DLGAP1: variants seen among roughly 807,000 people sequenced by gnomAD.
The protein encoded by DLGAP1 is DLG associated protein 1.
In DLGAP1, 11 loss-of-function variants were observed where a neutral mutation model predicts 90.8. That is an observed-to-expected ratio of 0.12 (90% CI 0.08 to 0.20). The LOEUF (loss-of-function observed/expected upper bound fraction) is 0.20. Among genes scored for constraint, DLGAP1 ranks in the 10% least tolerant of loss-of-function variants. The probability of loss-of-function intolerance (pLI) is 1.00; values close to 1 mark genes in which losing one functional copy is unlikely to be tolerated. For missense variants in DLGAP1, 1,050 were observed against 1,333.8 expected (o/e 0.79, Z 3.31); for synonymous variants, 558 against 540.7 (o/e 1.03, Z -0.44).
At chr18:4,290,858 C>G (rs1391966645) in intron 1 of DLGAP1, among the ~76,000 whole-genome samples, 1 of 152,136 alleles carries the variant, frequency 6.6e-6, no homozygotes, top group Non-Finnish European at 1.5e-5. Flanking sequence ...CGCTTTCAAT[C>G]TGTAATGAAC....
At chr18:3,523,587 C>G (rs979192117) in intron 10 of DLGAP1, among the ~76,000 whole-genome samples, 12 of 151,880 alleles carry the variant, frequency 7.9e-5, no homozygotes, top group African/African-American at 2.7e-4. Flanking sequence ...GTGGCTCACG[C>G]CTGTAATCCC....
At chr18:4,316,419 G>A (rs1029490089) in intron 1 of DLGAP1, among the ~76,000 whole-genome samples, 5 of 152,156 alleles carry the variant, frequency 3.3e-5, no homozygotes, top group Non-Finnish European at 7.3e-5. Flanking sequence ...GGGAAGATGG[G>A]AATCAGGCAG....
intron 10 of DLGAP1, among the ~76,000 whole-genome samples, chr18:3,533,980 T>C (rs2144487233): frequency 6.6e-6 from 1 of 152,146 alleles, no homozygotes; most frequent in African/African-American, 2.4e-5. Flanking sequence ...CTAAGGACAG[T>C]GTTATATCTA....
chr18:3,788,755 A>G (rs1447808516), intron 5 of DLGAP1, among the ~76,000 whole-genome samples: 1 of 152,242 alleles, frequency 6.6e-6, no homozygotes, highest in East Asian at 1.9e-4. Context: ...AAGGAGAGCT[A>G]CAAAGCACCT....
intron 1 of DLGAP1, among the ~76,000 whole-genome samples, chr18:4,436,382 C>T (rs1235889192): frequency 6.6e-6 from 1 of 151,912 alleles, no homozygotes; most frequent in Non-Finnish European, 1.5e-5. Context: ...TATTTCTGGG[C>T]CCCGACCACC....
At chr18:4,204,987 T>C (rs75763225) in intron 1 of DLGAP1, among the ~76,000 whole-genome samples, 3,599 of 152,196 alleles carry the variant, frequency 0.024, 126 homozygotes, top group African/African-American at 0.08. Flanking sequence ...AATTTTGAAA[T>C]CTGCTTTCTA....
At chr18:4,029,391 T>C (rs1292373094) in intron 2 of DLGAP1, among the ~76,000 whole-genome samples, 1 of 152,188 alleles carries the variant, frequency 6.6e-6, no homozygotes, top group African/African-American at 2.4e-5. Flanking sequence ...TGCTGGTAGT[T>C]CTATTTTTAA....
intron 3 of DLGAP1, among the ~76,000 whole-genome samples, chr18:3,900,561 A>T (rs1369092392): frequency 1.3e-5 from 2 of 152,204 alleles, no homozygotes; most frequent in African/African-American, 4.8e-5. Flanking sequence ...GTAAACCCTG[A>T]ATGAATAAAA....
At chr18:3,674,455 C>T (rs1461681532) in intron 7 of DLGAP1, among the ~76,000 whole-genome samples, 2 of 151,018 alleles carry the variant, frequency 1.3e-5, no homozygotes, top group South Asian at 2.1e-4. Flanking sequence ...CCTATCTCTA[C>T]AAAAAAATAA....
intron 2 of DLGAP1, among the ~76,000 whole-genome samples, chr18:4,005,482 T>C (rs1038637392): frequency 2.0e-5 from 3 of 152,210 alleles, no homozygotes; most frequent in Admixed American, 1.3e-4. Flanking sequence ...GTTTTCCTAA[T>C]TTTTAAAATA....
At chr18:4,291,948 T>C (rs2079859399) in intron 1 of DLGAP1, among the ~76,000 whole-genome samples, 1 of 152,136 alleles carries the variant, frequency 6.6e-6, no homozygotes, top group Non-Finnish European at 1.5e-5. Context: ...AGTTGCAAAT[T>C]TGGGTTCTAC....
chr18:3,502,642 G>C lies in DLGAP1; in HGVS notation c.2575C>G (p.Pro859Ala). The part of the protein sequence containing the change: ...FRELCEENLN[P>A]NAHPRPTSQD... ...GAGGTGGGTCTTGGATGAGCATTAG[G>C]ATTCTGCACAAGAGAAAGAAAAACA... Residue 859 changes from proline (P) to alanine (A), a missense_variant, in exon 12 of 13, where the codon CCT becomes GCT. Around this residue, in one of 2 missense-constraint regions of DLGAP1, gnomAD observed 565 missense variants for 879.7 expected, o/e 0.64. Transcript: ENST00000315677. 1.2e-6 allele frequency: 2 copies of C among 1,610,670 alleles called. No individual in the cohort carries two copies. The highest frequency in any genetic ancestry group is 1.7e-6 in the Non-Finnish European group (2 of 1,179,136).
chr18:3,866,312 G>C (rs536037749), intron 4 of DLGAP1, among the ~76,000 whole-genome samples: 1 of 152,322 alleles, frequency 6.6e-6, no homozygotes, highest in South Asian at 2.1e-4. Flanking sequence ...GAACTTATCA[G>C]AGTTTTCCGA....
intron 6 of DLGAP1, among the ~76,000 whole-genome samples, chr18:3,735,225 G>A (rs1222672653): frequency 1.3e-5 from 2 of 151,862 alleles, no homozygotes; most frequent in East Asian, 1.9e-4. Context: ...GTCAAAATGC[G>A]TATTTTTTTT....
chr18:3,859,460 T>TA (rs2069887996), intron 4 of DLGAP1, among the ~76,000 whole-genome samples: 1 of 152,164 alleles, frequency 6.6e-6, no homozygotes, highest in Non-Finnish European at 1.5e-5. Context: ...AATGTTACCT[T>TA]ATATAGCAGA....
chr18:3,639,046 C>T (rs1188849262), intron 7 of DLGAP1, among the ~76,000 whole-genome samples: 1 of 152,108 alleles, frequency 6.6e-6, no homozygotes, highest in African/African-American at 2.4e-5. Context: ...TAGCTTTTTA[C>T]CCTCGTCGGT....
chr18:4,165,496 A>G (rs1188873199), intron 1 of DLGAP1, among the ~76,000 whole-genome samples: 2 of 152,234 alleles, frequency 1.3e-5, no homozygotes, highest in African/African-American at 4.8e-5. Flanking sequence ...TCAAACAGAA[A>G]GAAAATAATA....
intron 1 of DLGAP1, among the ~76,000 whole-genome samples, chr18:4,443,627 G>T (rs1335574971): frequency 6.6e-6 from 1 of 152,132 alleles, no homozygotes; most frequent in African/African-American, 2.4e-5. Flanking sequence ...GTGTCCAAAC[G>T]TATTCAGTTA....
At chr18:4,020,362 A>G (rs1395929583) in intron 2 of DLGAP1, among the ~76,000 whole-genome samples, 2 of 152,206 alleles carry the variant, frequency 1.3e-5, no homozygotes, top group Admixed American at 6.5e-5. Flanking sequence ...AGCTACATGA[A>G]TAATAATTCT....
Sources: gnomAD v4.1 joint callset for allele counts (sites outside exome capture counted in the v4.1 genomes callset) on GRCh38, gnomAD v4.1.1 for gene constraint, gnomAD v4.1.1 regional missense constraint, MANE v1.5 for transcripts, NCBI Gene and HGNC (gene_info 2026-07-23, HGNC 2026-07-21) for gene names.